ELAPOR1: variants seen among roughly 807,000 people sequenced by gnomAD.
ELAPOR1 encodes the protein endosome/lysosome-associated apoptosis and autophagy regulator 1.
Under a neutral mutation model 119.7 loss-of-function variants are expected in ELAPOR1, and 77 were observed. That is an observed-to-expected ratio of 0.64 (90% confidence interval 0.54 to 0.78). The LOEUF is 0.78. Among genes scored for constraint, ELAPOR1 ranks in the 30% least tolerant of loss-of-function variants. ELAPOR1 has a pLI of 0.00. For synonymous variants in ELAPOR1, 481 were observed against 487.2 expected (o/e 0.99, Z 0.17); for missense variants, 1,115 against 1,270.4 (o/e 0.88, Z 1.86).
At chr1:109,144,465 G>T (rs1417472979) in intron 1 of ELAPOR1, among the ~76,000 whole-genome samples, 2 of 152,130 alleles carry the variant, frequency 1.3e-5, no homozygotes, top group Non-Finnish European at 2.9e-5. Flanking sequence ...TCTAGGTAGG[G>T]TGCAGTGGCT....
At chr1:109,171,395 T>TC (rs1558047913) in intron 3 of ELAPOR1, among the ~76,000 whole-genome samples, 1 of 151,372 alleles carries the variant, frequency 6.6e-6, no homozygotes, top group East Asian at 1.9e-4. Flanking sequence ...TAAAAAAAAA[T>TC]ACAGAAATTA....
chr1:109,155,579 TAATAA>T (rs1178463334), intron 1 of ELAPOR1, among the ~76,000 whole-genome samples: 2 of 152,062 alleles, frequency 1.3e-5, no homozygotes, highest in Non-Finnish European at 2.9e-5. Flanking sequence ...TTATATTTTA[TAATAA>T]AATAAAAAAT....
At chr1:109,153,113 T>C (rs1195842153) in intron 1 of ELAPOR1, among the ~76,000 whole-genome samples, 1 of 151,988 alleles carries the variant, frequency 6.6e-6, no homozygotes, top group Non-Finnish European at 1.5e-5. Context: ...ATGGGGCTCA[T>C]TGCACTGTTT....
chr1:109,126,678 C>T (rs1007553626), intron 1 of ELAPOR1, among the ~76,000 whole-genome samples: 1 of 152,044 alleles, frequency 6.6e-6, no homozygotes, highest in Non-Finnish European at 1.5e-5. Context: ...TTCATGTCAC[C>T]CAGGCTGTTC....
chr1:109,187,711 A>C, intron 8 of ELAPOR1: 2 of 903,224 alleles, frequency 2.2e-6, no homozygotes, highest in Non-Finnish European at 2.7e-6. Context: ...CAATAAATAA[A>C]AGAGCAAAGA....
intron 1 of ELAPOR1, among the ~76,000 whole-genome samples, chr1:109,128,457 G>C (rs2100975167): frequency 6.6e-6 from 1 of 152,290 alleles, no homozygotes; most frequent in South Asian, 2.1e-4. Context: ...TGAAAATAGA[G>C]TGGCTAGTAA....
intron 1 of ELAPOR1, among the ~76,000 whole-genome samples, chr1:109,120,937 C>T (rs1558013369): frequency 6.6e-6 from 1 of 152,162 alleles, no homozygotes; most frequent in Admixed American, 6.5e-5. Context: ...AGGTAGGTAA[C>T]ATCTTAGGGT....
chr1:109,124,083 T>G (rs529158467), intron 1 of ELAPOR1, among the ~76,000 whole-genome samples: 64 of 152,328 alleles, frequency 4.2e-4, no homozygotes, highest in African/African-American at 1.3e-3. Flanking sequence ...ATTACAGGTG[T>G]GAGCCACCAT....
intron 21 of ELAPOR1, among the ~76,000 whole-genome samples, chr1:109,202,471 C>T (rs979792239): frequency 7.0e-6 from 1 of 141,952 alleles, no homozygotes; most frequent in Non-Finnish European, 1.5e-5. Flanking sequence ...GACAGAGTTT[C>T]GCTCTTGTTG....
At chr1:109,152,952 C>CAAA (rs11392572) in intron 1 of ELAPOR1, among the ~76,000 whole-genome samples, 67 of 102,356 alleles carry the variant, frequency 6.5e-4, no homozygotes, top group South Asian at 6.6e-4. Context: ...ACCCTGTCTC[C>CAAA]AAAAAAAAAA....
chr1:109,156,045 T>C (rs1650856180), intron 1 of ELAPOR1, among the ~76,000 whole-genome samples: 1 of 152,168 alleles, frequency 6.6e-6, no homozygotes, highest in Non-Finnish European at 1.5e-5. Context: ...CTCAAGAGGC[T>C]GAGGAGGGAG....
rs536176320 is a variant in ELAPOR1 at position 109,185,067 on chromosome 1, C to T, written c.975C>T (p.Asn325=). 33 of 1,614,068 alleles carry T rather than the reference C, an allele frequency of 2.0e-5. No homozygotes were observed. The highest frequency in any genetic ancestry group is 1.9e-4 in the South Asian group (17 of 91,084). Residue 325 remains asparagine, a synonymous_variant, in exon 8 of 22, where the codon AAC becomes AAT. Transcript: ENST00000369939. ...KYSEKGSSSC[N]VRPACTDKDY... is the part of the protein sequence containing the mutation. ...TAGAGAAAGGATCTTCTTCCTGTAA[C>T]GTGCGCCCAGCTTGCACAGACAAAG... is the stretch of plus-strand genomic sequence containing the variant.
At chr1:109,194,630 G>C in intron 15 of ELAPOR1, 36 bp downstream of exon 15, 2 of 1,590,544 alleles carry the variant, frequency 1.3e-6, no homozygotes, top group South Asian at 1.1e-5. Flanking sequence ...AAAATTGAAT[G>C]GGGGAGGCCC....
intron 1 of ELAPOR1, among the ~76,000 whole-genome samples, chr1:109,125,317 G>T (rs145882192): frequency 6.6e-6 from 1 of 151,604 alleles, no homozygotes; most frequent in Non-Finnish European, 1.5e-5. Flanking sequence ...GTGATCCAGC[G>T]CTCCTTGGCC....
At position 109,188,313 on chromosome 1, in the gene ELAPOR1, C is replaced by T; in HGVS notation, c.1178C>T (p.Thr393Ile). Residue 393 changes from threonine (T) to isoleucine (I), a missense_variant, in exon 9 of 22, where the codon ACC (threonine) becomes ATC (isoleucine). Physicochemically the swap from Thr to Ile is moderately conservative, Grantham distance 89. Transcript: ENST00000369939. The part of the protein sequence containing the change: ...NPGFFKTNNS[T>I]CQPCPYGSYS... The stretch of plus-strand genomic sequence containing the variant: ...GGCTTCTTCAAAACCAACAACAGCA[C>T]CTGCCAGCCCTGCCCATATGGTTCC... The T allele has an allele frequency of 6.2e-7, 1 of 1,614,126 alleles. No homozygotes were observed. Among genetic ancestry groups the T allele is most frequent in the Middle Eastern group, 1.6e-4 (1 of 6,062 alleles).
intron 1 of ELAPOR1, among the ~76,000 whole-genome samples, chr1:109,143,989 T>C (rs1570633943): frequency 1.3e-5 from 2 of 149,396 alleles, no homozygotes; most frequent in African/African-American, 2.5e-5. Flanking sequence ...TTAAGGATTA[T>C]TGGGTGCCAA....
chr1:109,114,379 T>G, intron 1 of ELAPOR1, 43 bp downstream of exon 1: 1 of 1,521,520 alleles, frequency 6.6e-7, no homozygotes, highest in Non-Finnish European at 8.8e-7. Context: ...GTCACAAAAG[T>G]CTTGGATCCA....
intron 1 of ELAPOR1, among the ~76,000 whole-genome samples, chr1:109,121,931 G>A (rs947887832): frequency 2.6e-5 from 4 of 151,504 alleles, no homozygotes; most frequent in African/African-American, 7.3e-5. Context: ...CCGTCACCAC[G>A]CCCGGCTCAT....
chr1:109,183,571 T>TCCTA (rs1652859839), intron 7 of ELAPOR1, among the ~76,000 whole-genome samples: 1 of 42,742 alleles, frequency 2.3e-5, no homozygotes, highest in Non-Finnish European at 6.0e-5. Context: ...CTTCCTTCCT[T>TCCTA]CCTTCCTTCC....
Sources: allele counts gnomAD v4.1 joint callset (sites outside exome capture counted in the v4.1 genomes callset), GRCh38; gene constraint gnomAD v4.1.1; transcripts MANE v1.5; gene names NCBI Gene and HGNC (gene_info 2026-07-23, HGNC 2026-07-21).